The following AGRN variants were observed in gnomAD, a reference collection of about 807,000 sequenced individuals.
AGRN encodes agrin, also known as agrin proteoglycan.
A neutral mutation model predicts 211.0 loss-of-function variants in AGRN; 106 were observed. The ratio of observed to expected loss-of-function variants is 0.50; its 90% CI spans 0.43 to 0.59. The LOEUF is 0.59. Ranked by LOEUF, AGRN falls within the 20% of genes least tolerant of loss-of-function variation. AGRN has a pLI of 0.00. For synonymous variants in AGRN, 1,525 were observed against 1,332.5 expected (o/e 1.14, Z -3.15); for missense variants, 3,040 against 2,982.6 (o/e 1.02, Z -0.45).
Position 1,053,916 on chromosome 1 carries a change from G to A in AGRN, c.5815G>A (p.Val1939Met), listed in dbSNP as rs753560167. 52 of 1,606,342 alleles carry A rather than the reference G, an allele frequency of 3.2e-5. No homozygotes were observed. Among genetic ancestry groups the A allele is most frequent in the Admixed American group, 6.8e-5 (4 of 59,134 alleles). Residue 1939 changes from valine (V) to methionine (M), a missense_variant, in exon 34 of 36, where the codon GTG becomes ATG. Val to Met is a conservative substitution (Grantham distance 21). Coordinates refer to ENST00000379370, the MANE Select transcript of AGRN (RefSeq NM_198576.4). ...QLSYNLGSQP[V>M]VLRSTVPVNT... ...GAGCTACAACCTGGGCTCCCAGCCC[G>A]TGGTGCTGCGTTCCACCGTGCCCGT... is the stretch of plus-strand genomic sequence containing the variant.
At position 1,039,440 on chromosome 1, in the gene AGRN, G is replaced by A. The variant is rs1416090372; in HGVS notation, c.512-1225G>A. Among the ~76,000 whole-genome samples, 3 of 151,054 alleles carry A rather than the reference G, an allele frequency of 2.0e-5. No homozygotes were observed. In the South Asian group the frequency reaches 6.3e-4, roughly 32 times the overall value. ...GGGGGTTCCTCCTGCCCCATTTCAC[G>A]AGCCTGCTGGGAAGTGATGGGTGGT... On this transcript the variant is annotated intron_variant, in intron 3 of 35. Coordinates refer to ENST00000379370, the MANE Select transcript of AGRN (RefSeq NM_198576.4).
Position 1,041,573 on chromosome 1 carries a change from C to T in AGRN, c.1048C>T (p.Pro350Ser), listed in dbSNP as rs1238401095. 2.5e-6 allele frequency: 4 copies of T among 1,610,184 alleles called. No homozygotes were observed. Residue 350 changes from proline to serine, a missense_variant, in exon 6 of 36, where the codon CCT becomes TCT. Around this residue, in one of 3 missense-constraint regions of AGRN, gnomAD observed 1,498 missense variants for 1,457.8 expected, o/e 1.03. Transcript: ENST00000379370. ...GATGCTCCTACGGCCCGAGAGCTGC[C>T]CTGCCCGGCAGGCGCCAGTGTGTGG... ...PEMLLRPESC[P>S]ARQAPVCGDD...
rs779439136 is a variant in AGRN, at chr1:1,053,795, C to T, written c.5694C>T (p.Arg1898=). The change falls in exon 34 of 36, where the codon CGC becomes CGT. Residue 1898 remains arginine, a synonymous_variant. Transcript: ENST00000379370. ...LQSNHFELSL[R]TEATQGLVLW... ...GCAACCACTTTGAACTGAGCCTGCG[C>T]ACTGAGGCCACGCAGGGGCTGGTGC... 4.3e-6 allele frequency: 7 copies of T among 1,610,606 alleles called. No individual in the cohort carries two copies. The highest frequency in any genetic ancestry group is 1.7e-5 in the Admixed American group (1 of 59,642).
At chr1:1,050,669 G>T in intron 29 of AGRN, 57 bp from the exon 30 acceptor site, 1 of 1,604,072 alleles carries the variant, frequency 6.2e-7, no homozygotes. Flanking sequence ...CTCAGGCCCT[G>T]GGTGGTCGCG....
rs778863833 is a variant in AGRN at position 1,049,200 on chromosome 1, C to T, written c.4299-36C>T. On this transcript the variant is annotated intron_variant, in intron 24 of 35. Transcript: ENST00000379370. ...CAGGTAGGCGGGGTGGGGACGGGGC[C>T]GGGCGATGGTCCTGAGCACCTGCTC... The T allele has an allele frequency of 3.0e-4, 449 of 1,503,040 alleles. 1 individual carries two copies. The highest frequency in any genetic ancestry group is 4.0e-4 in the South Asian group (31 of 78,218). 93.1% of individuals were successfully genotyped at this position (1,503,040 alleles called of 1,614,324 possible). A position where few individuals can be genotyped will look rare whatever the true frequency, so the allele number is the denominator to read the frequency against.
At chr1:1,053,092 G>T in intron 33 of AGRN, 1 of 246,032 alleles carries the variant, frequency 4.1e-6, no homozygotes, top group Non-Finnish European at 8.1e-6. Context: ...TGTGTGTACT[G>T]GGGCATCCAA....
chr1:1,049,074 G>A lies in AGRN; in HGVS notation c.4298+15G>A, dbSNP rs1288518760. ...GTGCAGCTCAGGTGGGCGGGGAGGG[G>A]ACGGGGCCGGGGCAGCTCAGGTGGG... On this transcript the variant is annotated intron_variant, in intron 24 of 35. Coordinates refer to ENST00000379370, the MANE Select transcript of AGRN (RefSeq NM_198576.4). 2.0e-6 allele frequency: 3 copies of A among 1,473,614 alleles called. No individual in the cohort carries two copies. The highest frequency in any genetic ancestry group is 1.5e-5 in the African/African-American group (1 of 64,998). 91.3% of individuals were successfully genotyped at this position (1,473,614 alleles called of 1,614,324 possible).
Position 1,042,441 on chromosome 1 carries a change from C to T in AGRN, c.1384+279C>T, listed in dbSNP as rs553230866. 1.5e-4 allele frequency among the ~76,000 whole-genome samples: 23 copies of T among 152,270 alleles called. No individual in the cohort carries two copies. The South Asian group carries it at 3.5e-3, about 23-fold the overall frequency. ...CCTCTGGCCTGTCCGCATGTCTCCA[C>T]GCTGTAAGCACAGGCTGTTGGGGTG... On this transcript the variant is annotated intron_variant, in intron 7 of 35. Coordinates refer to ENST00000379370, the MANE Select transcript of AGRN (RefSeq NM_198576.4).
intron 1 of AGRN, among the ~76,000 whole-genome samples, chr1:1,020,645 C>T (rs935090875): frequency 1.1e-4 from 17 of 152,140 alleles, no homozygotes; most frequent in Non-Finnish European, 1.6e-4. Flanking sequence ...CTGCCGCGCG[C>T]CCTCCCTACC....
Position 1,048,314 on chromosome 1 carries a change from G to A in AGRN, c.4054G>A (p.Gly1352Ser). 6.7e-7 allele frequency: 1 copy of A among 1,487,742 alleles called. No individual in the cohort carries two copies. Among genetic ancestry groups the A allele is most frequent in the Non-Finnish European group, 9.0e-7 (1 of 1,115,354 alleles). 92.2% of individuals were successfully genotyped at this position (1,487,742 alleles called of 1,614,324 possible). A position where few individuals can be genotyped will look rare whatever the true frequency, so the allele number is the denominator to read the frequency against. The change falls in exon 23 of 36, where the codon GGC becomes AGC. Residue 1352 changes from glycine to serine, a missense_variant. Physicochemically the swap from Gly to Ser is moderately conservative, Grantham distance 56. Around this residue, in one of 3 missense-constraint regions of AGRN, gnomAD observed 1,537 missense variants for 1,505.0 expected, o/e 1.02. Coordinates refer to ENST00000379370, the MANE Select transcript of AGRN (RefSeq NM_198576.4). This position sits in a 1 kb window ranked among gnomAD's most constrained non-coding sequence, Gnocchi z 5.9. ...GTCQDWALGG[G>S]FTCSCPAGRG... ...CTGCCAGGACTGGGCATTGGGCGGG[G>A]GCTTCACCTGCAGCTGCCCGGCAGG... is the stretch of plus-strand genomic sequence containing the variant.
rs562644551 is a variant in AGRN at position 1,046,421 on chromosome 1, C to G, written c.2936C>G (p.Pro979Arg). Residue 979 changes from proline (P) to arginine (R), a missense_variant, in exon 18 of 36, where the codon CCG (proline) becomes CGG (arginine). Pro to Arg is a moderately radical substitution (Grantham distance 103). Coordinates refer to ENST00000379370, the MANE Select transcript of AGRN (RefSeq NM_198576.4). ...GAGGCTGTTGCTCCCAGCACTCACC[C>G]GACATCTGCCTCCGTGACTGTGACC... is the stretch of plus-strand genomic sequence containing the variant. ...CQEAVAPSTH[P>R]TSASVTVTTP... The G allele has an allele frequency of 1.2e-6, 2 of 1,612,352 alleles. No homozygotes were observed. The highest frequency in any genetic ancestry group is 1.3e-5 in the African/African-American group (1 of 74,890).
intron 4 of AGRN, 53 bp downstream of exon 4, chr1:1,040,933 T>C (rs1644913986): frequency 2.6e-6 from 3 of 1,132,576 alleles, no homozygotes; most frequent in Non-Finnish European, 3.3e-6. Context: ...GCCTATGAGA[T>C]GGAGCGAGGC....
In AGRN at chr1:1,044,104, C is replaced by T. The variant is rs757769063; in HGVS notation, c.2000-5C>T. ...CCTGGGTGACTCTGCTCCCCTTCCC[C>T]GCAGCCGAGTGCGGTTCCGGAGGCT... On this transcript the variant is annotated splice_polypyrimidine_tract_variant and splice_region_variant and intron_variant, in intron 10 of 35. Transcript: ENST00000379370. 6.8e-6 allele frequency: 11 copies of T among 1,613,106 alleles called. No individual in the cohort carries two copies. The highest frequency in any genetic ancestry group is 2.2e-5 in the South Asian group (2 of 91,084).
chr1:1,054,810 T>C lies in AGRN; in HGVS notation c.5981-14T>C. ...TGAGTCACAGCCGGGTGACTCCCAC[T>C]GTCTGTGCTGCAGGGGGCCTGCCGG... On this transcript the variant is annotated splice_polypyrimidine_tract_variant and intron_variant, in intron 35 of 35. Coordinates refer to ENST00000379370, the MANE Select transcript of AGRN (RefSeq NM_198576.4). 2 of 1,551,862 alleles carry C rather than the reference T, an allele frequency of 1.3e-6. No homozygotes were observed. Among genetic ancestry groups the C allele is most frequent in the East Asian group, 2.4e-5 (1 of 41,668 alleles).
chr1:1,046,854 C>G lies in AGRN; in HGVS notation c.3285C>G (p.Thr1095=), dbSNP rs149957221. The G allele has an allele frequency of 2.6e-4, 412 of 1,586,790 alleles. 1 individual carries two copies. In the African/African-American group the frequency reaches 5.0e-3, roughly 19 times the overall value. Reference sequence around the variant, plus strand: ...CCTTGGAGGGCAGCAGCGTGGCCACCCCTGGGCCACCTGTCGAGAGGGCTT... The same window carrying G: ...CCTTGGAGGGCAGCAGCGTGGCCACGCCTGGGCCACCTGTCGAGAGGGCTT... ...LEPLEGSSVA[T]PGPPVERASC... The change falls in exon 19 of 36, where the codon ACC becomes ACG. Residue 1095 remains threonine, a synonymous_variant. Coordinates refer to ENST00000379370, the MANE Select transcript of AGRN (RefSeq NM_198576.4).
At chr1:1,040,615 G>T in intron 3 of AGRN, 50 bp from the exon 4 acceptor site, 1 of 1,530,260 alleles carries the variant, frequency 6.5e-7, no homozygotes, top group East Asian at 2.5e-5. Flanking sequence ...GCTTGTGGAC[G>T]TGGGTACGGG....
intron 4 of AGRN, 24 bp downstream of exon 4, chr1:1,040,904 T>G (rs1644912902): frequency 7.5e-7 from 1 of 1,340,666 alleles, no homozygotes; most frequent in Non-Finnish European, 9.5e-7. Flanking sequence ...GGCCGGTGCC[T>G]GGGGCGGGGA....
chr1:1,052,122 C>A, intron 33 of AGRN: 1 of 1,319,184 alleles, frequency 7.6e-7, no homozygotes, highest in Non-Finnish European at 1.0e-6. Context: ...TCCCTTGTGG[C>A]GGAGGATGGG....
rs757759138 is a variant in AGRN, at chr1:1,044,031, G to T, written c.1999+8G>T. 1 of 1,610,216 alleles carries T rather than the reference G, an allele frequency of 6.2e-7. No individual in the cohort carries two copies. Among genetic ancestry groups the T allele is most frequent in the Non-Finnish European group, 8.5e-7 (1 of 1,179,540 alleles). ...CAGGGCCGTGCGAGCAGGGTAGGCCGGGGGACGCTGGCGAAAACTGCTGGG... is the reference window on the plus strand; with the variant it reads ...CAGGGCCGTGCGAGCAGGGTAGGCCTGGGGACGCTGGCGAAAACTGCTGGG... On this transcript the variant is annotated splice_region_variant and intron_variant, in intron 10 of 35. Transcript: ENST00000379370.
Sources: gnomAD v4.1 joint callset for allele counts (sites outside exome capture counted in the v4.1 genomes callset) on GRCh38, gnomAD v4.1.1 for gene constraint, gnomAD v4.1.1 regional missense constraint, Gnocchi (gnomAD v3.1) non-coding constraint, MANE v1.5 for transcripts, NCBI Gene and HGNC (gene_info 2026-07-23, HGNC 2026-07-21) for gene names.